Variants in SLC18A1 observed in about 807,000 individuals in gnomAD.
The protein encoded by SLC18A1 is chromaffin granule amine transporter.
A neutral mutation model predicts 53.7 loss-of-function variants in SLC18A1; 69 were observed. That is an observed-to-expected ratio of 1.28 (90% confidence interval 1.06 to 1.57). The LOEUF (loss-of-function observed/expected upper bound fraction) is 1.57. SLC18A1 is among the 40% of genes most tolerant of loss of function. SLC18A1 has a pLI of 0.00. For synonymous variants in SLC18A1, 320 were observed against 248.1 expected (o/e 1.29, Z -2.72); for missense variants, 932 against 668.1 (o/e 1.40, Z -4.35).
chr8:20,173,428 A>C (rs2072176730), intron 5 of SLC18A1, among the ~76,000 whole-genome samples: 1 of 152,132 alleles, frequency 6.6e-6, no homozygotes, highest in Non-Finnish European at 1.5e-5. Context: ...ATTTCCTAGC[A>C]CATTTCCCAA....
rs1404878224 is a variant in SLC18A1, at chr8:20,174,547, CAT to C, written c.548-105_548-104del. 5.5e-6 allele frequency: 4 copies of C among 730,176 alleles called. No homozygotes were observed. In the Admixed American group the frequency reaches 8.3e-5, roughly 15 times the overall value. 45.2% of individuals were successfully genotyped at this position (730,176 alleles called of 1,614,324 possible). On this transcript the variant is annotated intron_variant, in intron 4 of 15. Coordinates refer to ENST00000276373, the MANE Select transcript of SLC18A1 (RefSeq NM_003053.4). ...GATACTGCAGATATGAGTCTTGATG[CAT>C]ATGTTTTTAATAAAGCATGATGACT...
At chr8:20,170,358 T>C (rs1208039908) in intron 8 of SLC18A1, among the ~76,000 whole-genome samples, 1 of 152,188 alleles carries the variant, frequency 6.6e-6, no homozygotes, top group Non-Finnish European at 1.5e-5. Context: ...AGATGCAGCA[T>C]AGATGGCGCA....
In SLC18A1 at chr8:20,179,491, G is replaced by T. The variant is rs374452419; in HGVS notation, c.125-7C>A. On this transcript the variant is annotated splice_region_variant and splice_polypyrimidine_tract_variant and intron_variant, in intron 2 of 15. Transcript: ENST00000276373. Reference sequence around the variant, plus strand: ...AAGGTGGGCACAATTGGCACTGAAAGTCAAAGAGGACAGGTGATGGGGGCT... The same window carrying T: ...AAGGTGGGCACAATTGGCACTGAAATTCAAAGAGGACAGGTGATGGGGGCT... 6.2e-7 allele frequency: 1 copy of T among 1,604,536 alleles called. No individual in the cohort carries two copies. Among genetic ancestry groups the T allele is most frequent in the African/African-American group, 1.3e-5 (1 of 74,896 alleles).
chr8:20,164,910 A>T lies in SLC18A1; in HGVS notation c.974T>A (p.Ile325Asn). The T allele has an allele frequency of 6.2e-7, 1 of 1,613,822 alleles. No individual in the cohort carries two copies. Among genetic ancestry groups the T allele is most frequent in the African/African-American group, 1.3e-5 (1 of 75,032 alleles). ...GGAGCACATGGTCTGCATCATCCAGATGGGCAGTGTGGGCTCCAGGATGGC... is the reference window on the plus strand; with the variant it reads ...GGAGCACATGGTCTGCATCATCCAGTTGGGCAGTGTGGGCTCCAGGATGGC... ...GVAILEPTLPIWMMQTMCSPK... is the reference protein window; with the variant it reads ...GVAILEPTLPNWMMQTMCSPK... Residue 325 changes from isoleucine (I) to asparagine (N), a missense_variant, in exon 10 of 16, where the codon ATC (isoleucine) becomes AAC (asparagine). Transcript: ENST00000276373.
intron 10 of SLC18A1, among the ~76,000 whole-genome samples, chr8:20,151,961 A>G (rs563688768): frequency 6.6e-6 from 1 of 152,354 alleles, no homozygotes; most frequent in African/African-American, 2.4e-5. Context: ...CAAATACACA[A>G]AAAAGATAAT....
intron 2 of SLC18A1, 77 bp from the exon 3 acceptor site, chr8:20,179,561 CA>C (rs2072362758): frequency 6.6e-7 from 1 of 1,509,688 alleles, no homozygotes; most frequent in African/African-American, 1.4e-5. Context: ...GGGCTAAGGA[CA>C]GATGTCAATT....
intron 15 of SLC18A1, 41 bp from the exon 16 acceptor site, chr8:20,145,917 ATCAT>A (rs2071384868): frequency 8.4e-7 from 1 of 1,192,704 alleles, no homozygotes; most frequent in Non-Finnish European, 1.2e-6. Context: ...GCACATTATT[ATCAT>A]TTTTTTTTTT....
At chr8:20,165,229 A>G in intron 8 of SLC18A1, 122 bp from the exon 9 acceptor site, 1 of 844,242 alleles carries the variant, frequency 1.2e-6, no homozygotes, top group Non-Finnish European at 1.9e-6. Context: ...CCTTTACTGC[A>G]GAGACCAGGA....
chr8:20,173,572 G>T (rs1245960139), intron 5 of SLC18A1, among the ~76,000 whole-genome samples: 1 of 152,212 alleles, frequency 6.6e-6, no homozygotes, highest in African/African-American at 2.4e-5. Flanking sequence ...GTGCTGTACG[G>T]CAGCTGGACC....
rs186158016 is a variant in SLC18A1 at position 20,176,895 on chromosome 8, G to A, written c.547+1540C>T. On this transcript the variant is annotated intron_variant, in intron 4 of 15. Transcript: ENST00000276373. ...TCAGGCAAGGATATCATGCTAAAACGTCTCAGATCCACTAGCACACCGCAT... is the reference window on the plus strand; with the variant it reads ...TCAGGCAAGGATATCATGCTAAAACATCTCAGATCCACTAGCACACCGCAT... Among the ~76,000 whole-genome samples the A allele has an allele frequency of 8.1e-4, 124 of 152,236 alleles. 1 individual carries two copies. In the East Asian group the frequency reaches 0.021, roughly 25 times the overall value.
chr8:20,145,430 G>C lies in SLC18A1; in HGVS notation c.*333C>G, dbSNP rs115155667. 7.3e-3 allele frequency: 1,320 copies of C among 181,170 alleles called. 24 individuals carry two copies. Among genetic ancestry groups the C allele is most frequent in the African/African-American group, 0.027 (1,139 of 42,666 alleles). 11.2% of individuals were successfully genotyped at this position (181,170 alleles called of 1,614,324 possible). A position where few individuals can be genotyped will look rare whatever the true frequency, so the allele number is the denominator to read the frequency against. On this transcript the variant is annotated 3_prime_UTR_variant, in exon 16 of 16. Coordinates refer to ENST00000276373, the MANE Select transcript of SLC18A1 (RefSeq NM_003053.4). ...TTGTCAGTCACCCCACTGGTTTCAGGGGCACATTACTCACTACCACCTCTA... is the reference window on the plus strand; with the variant it reads ...TTGTCAGTCACCCCACTGGTTTCAGCGGCACATTACTCACTACCACCTCTA...
rs13266227 is a variant in SLC18A1, at chr8:20,171,208, A to G, written c.815-62T>C. On this transcript the variant is annotated intron_variant, in intron 7 of 15. Transcript: ENST00000276373. ...TACTGATTAGCTGGGGGCTCCAATA[A>G]CAGCTGTAGTGCTACCACCCTATTA... The G allele has an allele frequency of 4.0e-5, 62 of 1,548,030 alleles. No individual in the cohort carries two copies. In the East Asian group the frequency reaches 7.6e-4, roughly 19 times the overall value.
intron 8 of SLC18A1, among the ~76,000 whole-genome samples, chr8:20,169,235 A>G (rs2072049676): frequency 6.6e-6 from 1 of 152,208 alleles, no homozygotes; most frequent in Admixed American, 6.5e-5. Context: ...CAATGTCATG[A>G]AAGATAAAGG....
rs771643299 is a variant in SLC18A1 at position 20,145,873 on chromosome 8, T to C, written c.1468A>G (p.Ile490Val). The C allele has an allele frequency of 6.3e-7, 1 of 1,589,474 alleles. No individual in the cohort carries two copies. The highest frequency in any genetic ancestry group is 2.3e-5 in the East Asian group (1 of 44,368). The part of the protein sequence containing the change: ...SPPAKEEKLA[I>V]LSQDCPMETR... ...TCCATGGGGCAGTCCTGACTCAGAA[T>C]AGCCTGCAGAGAGAGGCAAGAAGAG... The change falls in exon 16 of 16, where the codon ATT becomes GTT. Residue 490 changes from isoleucine (I) to valine (V), a missense_variant. Ile to Val is a conservative substitution (Grantham distance 29). Transcript: ENST00000276373.
At chr8:20,152,120 T>C (rs1365390444) in intron 10 of SLC18A1, among the ~76,000 whole-genome samples, 1 of 152,142 alleles carries the variant, frequency 6.6e-6, no homozygotes, top group Non-Finnish European at 1.5e-5. Flanking sequence ...AAGAGAGCAC[T>C]TCAAGCAGAA....
rs2071425657 is a variant in SLC18A1 at position 20,147,312 on chromosome 8, G to C, written c.1410C>G (p.Val470=). 6.2e-7 allele frequency: 1 copy of C among 1,613,598 alleles called. No individual in the cohort carries two copies. The highest frequency in any genetic ancestry group is 1.3e-5 in the African/African-American group (1 of 74,880). The change falls in exon 15 of 16, where the codon GTC becomes GTG. Residue 470 remains valine, a synonymous_variant. Transcript: ENST00000276373. ...LMVITGVINI[V]YAPLCYYLRS... ...GCAGGTAGTAGCAGAGTGGAGCATAGACGATGTTGATGACCCCAGTGATGA... is the reference window on the plus strand; with the variant it reads ...GCAGGTAGTAGCAGAGTGGAGCATACACGATGTTGATGACCCCAGTGATGA...
At chr8:20,153,201 C>T (rs1001253624) in intron 10 of SLC18A1, among the ~76,000 whole-genome samples, 1 of 150,318 alleles carries the variant, frequency 6.7e-6, no homozygotes, top group Non-Finnish European at 1.5e-5. Context: ...AAGGTGAGAC[C>T]AACAGCGTGG....
intron 13 of SLC18A1, 43 bp downstream of exon 13, chr8:20,147,964 C>G: frequency 6.2e-7 from 1 of 1,601,474 alleles, no homozygotes; most frequent in Non-Finnish European, 8.6e-7. Context: ...GACCCAAAGC[C>G]AACATGCAGG....
At chr8:20,146,632 G>A (rs1421438849) in intron 15 of SLC18A1, among the ~76,000 whole-genome samples, 1 of 152,058 alleles carries the variant, frequency 6.6e-6, no homozygotes, top group Non-Finnish European at 1.5e-5. Context: ...GTGACCTGCT[G>A]ACCAACATGG....
Sources: gnomAD v4.1 joint callset for allele counts (sites outside exome capture counted in the v4.1 genomes callset) on GRCh38, gnomAD v4.1.1 for gene constraint, MANE v1.5 for transcripts, NCBI Gene and HGNC (gene_info 2026-07-23, HGNC 2026-07-21) for gene names.